The following UQCRC2 variants were observed in gnomAD, a reference collection of about 807,000 sequenced individuals.
UQCRC2 encodes the protein cytochrome b-c1 complex subunit 2, mitochondrial.
In UQCRC2, 49 loss-of-function variants were observed where a neutral mutation model predicts 55.6. The observed-to-expected ratio is 0.88, with a 90% CI of 0.70 to 1.12. The LOEUF is 1.12. Ranked by LOEUF, UQCRC2 falls within the 50% of genes most tolerant of loss-of-function variation. The pLI, the probability that UQCRC2 is intolerant of heterozygous loss-of-function variation, is 0.00. For synonymous variants in UQCRC2, 193 were observed against 192.0 expected, an observed-to-expected ratio of 1.01 and a Z score of -0.04; for missense variants, 506 against 547.8, an observed-to-expected ratio of 0.92 and a Z score of 0.76.
At chr16:21,970,723 TTACA>T (rs1363681636) in intron 8 of UQCRC2, among the ~76,000 whole-genome samples, 2 of 152,090 alleles carry the variant, frequency 1.3e-5, no homozygotes, top group Non-Finnish European at 2.9e-5. Flanking sequence ...GTAGCTGGGA[TTACA>T]GGTGCATGCC....
rs146574048 is a variant in UQCRC2 at position 21,967,893 on chromosome 16, T to C, written c.613-735T>C. On this transcript the variant is annotated intron_variant, in intron 7 of 13. Transcript: ENST00000268379. ...GTTAATAGTGCTTCATTACTACTTA[T>C]ATAAACACAAAAGAAACCTGACATA... Among the ~76,000 whole-genome samples the C allele has an allele frequency of 5.0e-3, 755 of 152,178 alleles. 5 individuals carry two copies. The highest frequency in any genetic ancestry group is 8.1e-3 in the Non-Finnish European group (550 of 67,994).
chr16:21,977,433 A>G (rs1028168482), intron 12 of UQCRC2, among the ~76,000 whole-genome samples: 3 of 152,208 alleles, frequency 2.0e-5, no homozygotes, highest in Non-Finnish European at 4.4e-5. Context: ...AGTATATAAG[A>G]GTACCTATTC....
At position 21,963,081 on chromosome 16, in the gene UQCRC2, C is replaced by T. The variant is rs893324210; in HGVS notation, c.514+196C>T. ...TTGGCTCACTGCAACCTCCAGCTCCCGGGTTCAAGCAATTCTCCTGCCTCA... is the reference window on the plus strand; with the variant it reads ...TTGGCTCACTGCAACCTCCAGCTCCTGGGTTCAAGCAATTCTCCTGCCTCA... On this transcript the variant is annotated intron_variant, in intron 6 of 13. Transcript: ENST00000268379. The T allele has an allele frequency of 2.2e-5, 11 of 503,792 alleles. No individual in the cohort carries two copies. In the East Asian group the frequency reaches 3.7e-4, roughly 17 times the overall value. 31.2% of individuals were successfully genotyped at this position (503,792 alleles called of 1,614,324 possible).
At chr16:21,963,005 T>A (rs931197125) in intron 6 of UQCRC2, 120 bp downstream of exon 6, 1 of 1,293,528 alleles carries the variant, frequency 7.7e-7, no homozygotes, top group Middle Eastern at 2.8e-4. Flanking sequence ...ATTTATTGTT[T>A]TGAGACAGAG....
At chr16:21,977,451 G>A (rs1159108700) in intron 12 of UQCRC2, among the ~76,000 whole-genome samples, 1 of 152,002 alleles carries the variant, frequency 6.6e-6, no homozygotes, top group African/African-American at 2.4e-5. Context: ...TTCTACAATA[G>A]TTTCTTTCTT....
chr16:21,955,919 G>A (rs1453124906), intron 1 of UQCRC2, among the ~76,000 whole-genome samples: 1 of 151,974 alleles, frequency 6.6e-6, no homozygotes, highest in Non-Finnish European at 1.5e-5. Flanking sequence ...TCCGCCTCCC[G>A]GATTCAAGTG....
At chr16:21,959,975 A>G (rs780782546) in intron 4 of UQCRC2, among the ~76,000 whole-genome samples, 1 of 152,204 alleles carries the variant, frequency 6.6e-6, no homozygotes, top group East Asian at 1.9e-4. Flanking sequence ...TTGTTCATTT[A>G]CAGAGCATAG....
At chr16:21,976,396 A>G in intron 12 of UQCRC2, 153 bp downstream of exon 12, 2 of 645,836 alleles carry the variant, frequency 3.1e-6, no homozygotes, top group Non-Finnish European at 5.1e-6. Flanking sequence ...CCACCTAAAG[A>G]TATAATTGTT....
chr16:21,980,720 AC>A lies in UQCRC2; in HGVS notation c.1278+21del, dbSNP rs1244700916. Reference sequence around the variant, plus strand: ...ATAAATGTAAGTAAATGAAAACTTAACGATTTAACAACAGAGAACTTAACCT... The same window carrying A: ...ATAAATGTAAGTAAATGAAAACTTAAGATTTAACAACAGAGAACTTAACCT... On this transcript the variant is annotated intron_variant, in intron 13 of 13. Coordinates refer to ENST00000268379, the MANE Select transcript of UQCRC2 (RefSeq NM_003366.4). 6.2e-7 allele frequency: 1 copy of A among 1,612,154 alleles called. No individual in the cohort carries two copies. Among genetic ancestry groups the A allele is most frequent in the South Asian group, 1.1e-5 (1 of 90,724 alleles).
chr16:21,954,765 G>C (rs1205172350), intron 1 of UQCRC2, among the ~76,000 whole-genome samples: 2 of 152,064 alleles, frequency 1.3e-5, no homozygotes, highest in Non-Finnish European at 2.9e-5. Flanking sequence ...CATTACCGGC[G>C]GAGCGCGATG....
intron 7 of UQCRC2, among the ~76,000 whole-genome samples, chr16:21,966,420 A>G (rs975943339): frequency 2.6e-4 from 39 of 152,190 alleles, no homozygotes; most frequent in African/African-American, 9.2e-4. Flanking sequence ...ACAAGTGTAG[A>G]TATGTGCGTA....
rs1803308 is a variant in UQCRC2, at chr16:21,983,150, A to G, written c.1341A>G (p.Thr447=). 16 of 1,613,978 alleles carry G rather than the reference A, an allele frequency of 9.9e-6. No individual in the cohort carries two copies. The highest frequency in any genetic ancestry group is 1.2e-5 in the Non-Finnish European group (14 of 1,180,022). Residue 447 remains threonine (T), a synonymous_variant, in exon 14 of 14, where the codon ACA becomes ACG. Transcript: ENST00000268379. ...CAGCAAGTGGAAATTTGGGACATAC[A>G]CCTTTTGTTGATGAGTTGTAATACT... The part of the protein sequence containing the change: ...SMAASGNLGH[T]PFVDEL
At chr16:21,968,574 C>T (rs908154840) in intron 7 of UQCRC2, 54 bp from the exon 8 acceptor site, 7 of 1,478,184 alleles carry the variant, frequency 4.7e-6, no homozygotes, top group African/African-American at 2.9e-5. Context: ...TATGTTTTTA[C>T]AGCTTTTTAT....
intron 4 of UQCRC2, among the ~76,000 whole-genome samples, chr16:21,961,895 C>T (rs1261809362): frequency 2.0e-5 from 3 of 151,542 alleles, no homozygotes; most frequent in South Asian, 4.2e-4. Context: ...TCAAGTGATC[C>T]GCCCACCTCG....
At position 21,971,405 on chromosome 16, in the gene UQCRC2, T is replaced by A; in HGVS notation, c.671-120T>A. 3 of 784,124 alleles carry A rather than the reference T, an allele frequency of 3.8e-6. No individual in the cohort carries two copies. In the South Asian group the frequency reaches 5.7e-5, roughly 15 times the overall value. The allele number at this position is 784,124 out of a possible 1,614,324, so 48.6% of individuals were successfully genotyped here. Reference sequence around the variant, plus strand: ...GAGAGTGGCATTATGGCAGGAAGACTCTTATTTATTTTGTAGTGTTAGGAT... The same window carrying A: ...GAGAGTGGCATTATGGCAGGAAGACACTTATTTATTTTGTAGTGTTAGGAT... On this transcript the variant is annotated intron_variant, in intron 8 of 13. Coordinates refer to ENST00000268379, the MANE Select transcript of UQCRC2 (RefSeq NM_003366.4).
chr16:21,958,608 A>C lies in UQCRC2; in HGVS notation c.332+9A>C, dbSNP rs949372782. On this transcript the variant is annotated intron_variant, in intron 4 of 13. Transcript: ENST00000268379. ...GTTGGTGGCAAATTAAGGTTTGTTA[A>C]ATAAGTAATAGAAAATAGTGAAAAT... 6 of 1,609,428 alleles carry C rather than the reference A, an allele frequency of 3.7e-6. No individual in the cohort carries two copies. The African/African-American group carries it at 8.0e-5, about 22-fold the overall frequency.
At chr16:21,978,474 T>G (rs1399534327) in intron 12 of UQCRC2, among the ~76,000 whole-genome samples, 1 of 152,194 alleles carries the variant, frequency 6.6e-6, no homozygotes, top group Non-Finnish European at 1.5e-5. Flanking sequence ...TTTGTGCCCA[T>G]ATTTAAGCTG....
intron 7 of UQCRC2, among the ~76,000 whole-genome samples, chr16:21,965,907 C>G (rs1005651973): frequency 1.3e-5 from 2 of 152,078 alleles, no homozygotes; most frequent in South Asian, 4.1e-4. Flanking sequence ...TGGTCTTGAA[C>G]TCTTAAGCTC....
chr16:21,957,123 C>T, intron 1 of UQCRC2, 112 bp from the exon 2 acceptor site: 1 of 933,778 alleles, frequency 1.1e-6, no homozygotes, highest in African/African-American at 1.7e-5. Context: ...GTGGTTATTG[C>T]TCCTTCCACC....
Sources: allele counts gnomAD v4.1 joint callset (sites outside exome capture counted in the v4.1 genomes callset), GRCh38; gene constraint gnomAD v4.1.1; transcripts MANE v1.5; gene names NCBI Gene and HGNC (gene_info 2026-07-23, HGNC 2026-07-21).